Variants in VAT1L observed in about 807,000 individuals in gnomAD.
VAT1L encodes the protein putative NADPH-dependent quinone oxidoreductase VAT1L.
A neutral mutation model predicts 44.1 loss-of-function variants in VAT1L; 34 were observed. The observed-to-expected ratio is 0.77, with a 90% CI of 0.59 to 1.03. The LOEUF (loss-of-function observed/expected upper bound fraction) is 1.03, where lower values mean the gene tolerates loss of function less well. Ranked by LOEUF, VAT1L falls within the 50% of genes least tolerant of loss-of-function variation. The probability of loss-of-function intolerance (pLI) is 0.00; values close to 1 mark genes in which losing one functional copy is unlikely to be tolerated. For missense variants in VAT1L, 615 were observed against 538.8 expected (o/e 1.14, Z -1.40); for synonymous variants, 253 against 202.2 (o/e 1.25, Z -2.13).
chr16:77,916,855 T>C (rs976439285), intron 7 of VAT1L, among the ~76,000 whole-genome samples: 1 of 151,196 alleles, frequency 6.6e-6, no homozygotes, highest in Non-Finnish European at 1.5e-5. Context: ...CCTGTCATTC[T>C]CCCACTTTGT....
intron 7 of VAT1L, among the ~76,000 whole-genome samples, chr16:77,917,354 C>T (rs375548757): frequency 4.6e-5 from 7 of 152,178 alleles, no homozygotes; most frequent in East Asian, 1.9e-4. Flanking sequence ...CATAATTTCC[C>T]GGAAATTACC....
intron 4 of VAT1L, among the ~76,000 whole-genome samples, chr16:77,871,866 G>A (rs994111059): frequency 6.6e-6 from 1 of 152,158 alleles, no homozygotes; most frequent in Admixed American, 6.5e-5. Flanking sequence ...CTGGGCTGGT[G>A]TCTCCACCCA....
At chr16:77,945,797 C>CTTTTTTTTTTTT (rs58436423) in intron 7 of VAT1L, among the ~76,000 whole-genome samples, 1 of 141,172 alleles carries the variant, frequency 7.1e-6, no homozygotes, top group Non-Finnish European at 1.5e-5. Flanking sequence ...AGTGGCTTGA[C>CTTTTTTTTTTTT]TTTTTTTTTT....
chr16:77,944,234 A>G (rs1316606396), intron 7 of VAT1L, among the ~76,000 whole-genome samples: 2 of 151,912 alleles, frequency 1.3e-5, no homozygotes, highest in Non-Finnish European at 2.9e-5. Context: ...AGAATAAAAA[A>G]CCCTGCTCTA....
At chr16:77,892,304 T>G in intron 7 of VAT1L, 1 of 264,890 alleles carries the variant, frequency 3.8e-6, no homozygotes, top group Non-Finnish European at 7.4e-6. Context: ...CTATGGCAGA[T>G]TTCAACTAGC....
intron 3 of VAT1L, among the ~76,000 whole-genome samples, chr16:77,847,732 C>A (rs1460164246): frequency 6.6e-6 from 1 of 152,166 alleles, no homozygotes; most frequent in Non-Finnish European, 1.5e-5. Context: ...AACCAAGTGT[C>A]AGTGACAGTA....
chr16:77,842,108 C>T (rs575200114), intron 3 of VAT1L, among the ~76,000 whole-genome samples: 1 of 152,244 alleles, frequency 6.6e-6, no homozygotes, highest in South Asian at 2.1e-4. Flanking sequence ...AGGATGGTCT[C>T]AATCTCCTGA....
chr16:77,968,801 A>G (rs2018249973), intron 7 of VAT1L, among the ~76,000 whole-genome samples: 1 of 152,090 alleles, frequency 6.6e-6, no homozygotes, highest in Admixed American at 6.5e-5. Flanking sequence ...AATTTTTTTA[A>G]TTACTGTATT....
At chr16:77,877,773 G>A (rs1003612972) in intron 5 of VAT1L, among the ~76,000 whole-genome samples, 1 of 151,138 alleles carries the variant, frequency 6.6e-6, no homozygotes, top group Non-Finnish European at 1.5e-5. Flanking sequence ...AAATATGCAA[G>A]CATTTTTTTG....
intron 2 of VAT1L, among the ~76,000 whole-genome samples, chr16:77,824,745 G>A (rs1434469676): frequency 5.0e-5 from 6 of 120,684 alleles, no homozygotes; most frequent in Non-Finnish European, 1.0e-4. Flanking sequence ...GACAGAGCGA[G>A]ACTCCATCTC....
At chr16:77,799,622 G>C (rs1285047909) in intron 1 of VAT1L, among the ~76,000 whole-genome samples, 1 of 151,896 alleles carries the variant, frequency 6.6e-6, no homozygotes, top group Non-Finnish European at 1.5e-5. Flanking sequence ...TTACCAGAAA[G>C]AGGGGGATAA....
At chr16:77,835,626 A>T (rs1230371060) in intron 3 of VAT1L, among the ~76,000 whole-genome samples, 1 of 152,150 alleles carries the variant, frequency 6.6e-6, no homozygotes, top group Non-Finnish European at 1.5e-5. Context: ...TAATCCCAAC[A>T]CTTTAGGAGG....
intron 3 of VAT1L, among the ~76,000 whole-genome samples, chr16:77,842,677 C>T (rs1378531070): frequency 6.6e-6 from 1 of 152,090 alleles, no homozygotes; most frequent in Admixed American, 6.5e-5. Flanking sequence ...AAATAAATCA[C>T]GAGGGCCCTG....
At chr16:77,887,764 T>TA (rs1430085156) in intron 7 of VAT1L, among the ~76,000 whole-genome samples, 4 of 152,202 alleles carry the variant, frequency 2.6e-5, no homozygotes, top group Non-Finnish European at 5.9e-5. Context: ...ACCTTGAACA[T>TA]ACTTCTTCCA....
At chr16:77,805,510 T>C (rs2016139484) in intron 1 of VAT1L, among the ~76,000 whole-genome samples, 1 of 152,164 alleles carries the variant, frequency 6.6e-6, no homozygotes, top group Admixed American at 6.5e-5. Flanking sequence ...GATGAACATA[T>C]TATCAGCAAG....
In VAT1L at chr16:77,955,729, C is replaced by CA. The variant is rs61334608; in HGVS notation, c.1078-16108dup. On this transcript the variant is annotated intron_variant, in intron 7 of 8. Coordinates refer to ENST00000302536, the MANE Select transcript of VAT1L (RefSeq NM_020927.3). ...GACAGAGGCTCCATATCCCCCCCCC[C>CA]AAAAAAAAAAAAAGAGAGAGAATGG... Among the ~76,000 whole-genome samples the CA allele has an allele frequency of 4.7e-3, 652 of 137,924 alleles. 7 individuals carry two copies. Among genetic ancestry groups the CA allele is most frequent in the Non-Finnish European group, 6.2e-3 (404 of 65,592 alleles). 90.5% of individuals were successfully genotyped at this position (137,924 alleles called of 152,430 possible).
At chr16:77,830,171 C>A (rs2016564157) in intron 3 of VAT1L, among the ~76,000 whole-genome samples, 1 of 152,196 alleles carries the variant, frequency 6.6e-6, no homozygotes, top group South Asian at 2.1e-4. Flanking sequence ...TCAGAACACT[C>A]TTTATCTTAT....
intron 1 of VAT1L, among the ~76,000 whole-genome samples, chr16:77,806,034 T>A (rs2016152589): frequency 6.6e-6 from 1 of 151,066 alleles, no homozygotes; most frequent in Non-Finnish European, 1.5e-5. Flanking sequence ...AGCAAATTTT[T>A]ATATTTTTAG....
At chr16:77,828,995 C>T (rs1169787940) in intron 3 of VAT1L, among the ~76,000 whole-genome samples, 1 of 152,144 alleles carries the variant, frequency 6.6e-6, no homozygotes, top group Non-Finnish European at 1.5e-5. Flanking sequence ...TACCACTTTC[C>T]TGGGGCTGCC....
Sources: allele counts gnomAD v4.1 joint callset (sites outside exome capture counted in the v4.1 genomes callset), GRCh38; gene constraint gnomAD v4.1.1; transcripts MANE v1.5; gene names NCBI Gene and HGNC (gene_info 2026-07-23, HGNC 2026-07-21).